CWF19L1: variants seen among roughly 807,000 people sequenced by gnomAD.
CWF19L1 encodes CWF19-like protein 1.
A neutral mutation model predicts 69.7 loss-of-function variants in CWF19L1; 60 were observed. That is an observed-to-expected ratio of 0.86 (90% CI 0.70 to 1.07). The LOEUF is 1.07. Ranked by LOEUF, CWF19L1 falls within the 50% of genes least tolerant of loss-of-function variation. The pLI is 0.00. For synonymous variants in CWF19L1, 209 were observed against 222.2 expected (o/e 0.94, Z 0.53); for missense variants, 591 against 638.9 (o/e 0.92, Z 0.81).
chr10:100,236,500 G>A (rs2134274002), intron 12 of CWF19L1, among the ~76,000 whole-genome samples: 1 of 152,296 alleles, frequency 6.6e-6, no homozygotes, highest in Non-Finnish European at 1.5e-5. Flanking sequence ...ATCTTGCCAG[G>A]CGTGGGTGGC....
At chr10:100,236,728 C>T (rs1846450876) in intron 12 of CWF19L1, 122 bp downstream of exon 12, 2 of 1,201,324 alleles carry the variant, frequency 1.7e-6, no homozygotes, top group Non-Finnish European at 2.3e-6. Flanking sequence ...CAAGATCATG[C>T]CACTGCACTC....
At chr10:100,237,494 C>T (rs1052489172) in intron 11 of CWF19L1, among the ~76,000 whole-genome samples, 1 of 152,194 alleles carries the variant, frequency 6.6e-6, no homozygotes, top group Non-Finnish European at 1.5e-5. Context: ...AAACAAGGAA[C>T]TTACTATCTA....
At position 100,238,105 on chromosome 10, in the gene CWF19L1, T is replaced by G; in HGVS notation, c.1171A>C (p.Thr391Pro). ...VVEEVEKYKA[T>P]LRRFFKSRGK... ...CGACTCTTAAAGAACCGTCTCAGAG[T>G]GGCCTTATACTTCTCCACCTCTTCT... Residue 391 changes from threonine to proline, a missense_variant, in exon 11 of 14, where the codon ACT becomes CCT. By Grantham distance (38) the Thr-to-Pro change is conservative. This residue lies in a region of CWF19L1 where 458 missense variants were observed against 489.3 expected (regional missense o/e 0.94). Coordinates refer to ENST00000354105, the MANE Select transcript of CWF19L1 (RefSeq NM_018294.6). 6.2e-7 allele frequency: 1 copy of G among 1,613,982 alleles called. No individual in the cohort carries two copies. The highest frequency in any genetic ancestry group is 8.5e-7 in the Non-Finnish European group (1 of 1,180,006).
At chr10:100,266,783 G>A (rs1002797890) in intron 1 of CWF19L1, among the ~76,000 whole-genome samples, 2 of 145,546 alleles carry the variant, frequency 1.4e-5, no homozygotes, top group Non-Finnish European at 3.0e-5. Context: ...GCCTCCCAAA[G>A]TGCTAGGATT....
chr10:100,237,092 C>A (rs552989427), intron 11 of CWF19L1, 123 bp from the exon 12 acceptor site: 1 of 1,212,184 alleles, frequency 8.2e-7, no homozygotes, highest in East Asian at 2.4e-5. Context: ...CACAGAATAT[C>A]CTCAGGCCAG....
At chr10:100,260,591 C>T (rs1482136741) in intron 3 of CWF19L1, among the ~76,000 whole-genome samples, 1 of 151,708 alleles carries the variant, frequency 6.6e-6, no homozygotes, top group African/African-American at 2.4e-5. Context: ...GGTGCAATCT[C>T]GGCTCACTGC....
rs1847419442 is a variant in CWF19L1 at position 100,262,040 on chromosome 10, C to G, written c.47G>C (p.Gly16Ala). The change falls in exon 2 of 14, where the codon GGA becomes GCA. Residue 16 changes from glycine (G) to alanine (A), a missense_variant. This residue lies in a region of CWF19L1 where 129 missense variants were observed against 131.3 expected (regional missense o/e 0.98). Transcript: ENST00000354105. ...TCTATTGAATAAAATATCAAACTTTCCTTCAACATCTCCACAAGCCAAGCT... is the reference window on the plus strand; with the variant it reads ...TCTATTGAATAAAATATCAAACTTTGCTTCAACATCTCCACAAGCCAAGCT... ...LRLLACGDVE[G>A]KFDILFNRVQ... is the part of the protein sequence containing the mutation. 6.2e-7 allele frequency: 1 copy of G among 1,610,682 alleles called. No individual in the cohort carries two copies. Among genetic ancestry groups the G allele is most frequent in the Non-Finnish European group, 8.5e-7 (1 of 1,179,210 alleles).
Position 100,262,059 on chromosome 10 carries a change from C to T in CWF19L1, c.28G>A (p.Ala10Thr). MAQKPLRLL[A>T]CGDVEGKFDI... Reference sequence around the variant, plus strand: ...AACTTTCCTTCAACATCTCCACAAGCCAAGCTGCAAACAAAGAGATAAACA... The same window carrying T: ...AACTTTCCTTCAACATCTCCACAAGTCAAGCTGCAAACAAAGAGATAAACA... The change falls in exon 2 of 14, where the codon GCT becomes ACT. Residue 10 changes from alanine to threonine, a missense_variant. Around this residue, in one of 3 missense-constraint regions of CWF19L1, gnomAD observed 129 missense variants for 131.3 expected, o/e 0.98. Coordinates refer to ENST00000354105, the MANE Select transcript of CWF19L1 (RefSeq NM_018294.6). The T allele has an allele frequency of 5.6e-6, 9 of 1,610,100 alleles. No individual in the cohort carries two copies. Among genetic ancestry groups the T allele is most frequent in the Non-Finnish European group, 7.6e-6 (9 of 1,178,994 alleles).
intron 7 of CWF19L1, chr10:100,248,883 A>T (rs370516091): frequency 1.8e-5 from 18 of 1,007,992 alleles, no homozygotes; most frequent in East Asian, 2.4e-5. Context: ...AGAAAAAGGC[A>T]GCCATCATCT....
At chr10:100,260,507 T>C (rs2134320983) in intron 3 of CWF19L1, among the ~76,000 whole-genome samples, 188 bp from the exon 4 acceptor site, 1 of 152,260 alleles carries the variant, frequency 6.6e-6, no homozygotes, top group Middle Eastern at 3.4e-3. Flanking sequence ...ACCTTGTAGC[T>C]TGGCTATTTT....
At position 100,260,098 on chromosome 10, in the gene CWF19L1, G is replaced by A. The variant is rs571103732; in HGVS notation, c.289+120C>T. On this transcript the variant is annotated intron_variant, in intron 4 of 13. Transcript: ENST00000354105. Reference sequence around the variant, plus strand: ...CAGGAGAATCACTTGAACCCGGGAGGTGGAGGTTACAGTGAGCCAAGATTG... The same window carrying A: ...CAGGAGAATCACTTGAACCCGGGAGATGGAGGTTACAGTGAGCCAAGATTG... 85 of 608,304 alleles carry A rather than the reference G, an allele frequency of 1.4e-4. 1 individual carries two copies. The East Asian group carries it at 2.4e-3, about 17-fold the overall frequency. The allele number at this position is 608,304 out of a possible 1,614,324, so 37.7% of individuals were successfully genotyped here.
intron 4 of CWF19L1, among the ~76,000 whole-genome samples, chr10:100,257,590 G>A (rs972290172): frequency 5.3e-5 from 8 of 151,644 alleles, no homozygotes; most frequent in Non-Finnish European, 5.9e-5. Context: ...GAGCCACCAC[G>A]CCCAGCCTAC....
Position 100,267,620 on chromosome 10 carries a change from G to A in CWF19L1, c.-27C>T. On this transcript the variant is annotated 5_prime_UTR_variant, in exon 1 of 14. Coordinates refer to ENST00000354105, the MANE Select transcript of CWF19L1 (RefSeq NM_018294.6). The stretch of plus-strand genomic sequence containing the variant: ...TGTCCGAATAGTATGGGTTGCGACT[G>A]CCACCTAAAATTGGGAATGCGAATC... 1.9e-6 allele frequency: 3 copies of A among 1,613,896 alleles called. No homozygotes were observed. The highest frequency in any genetic ancestry group is 1.3e-5 in the African/African-American group (1 of 74,882).
chr10:100,248,301 C>A, intron 7 of CWF19L1: 1 of 1,365,742 alleles, frequency 7.3e-7, no homozygotes, highest in Non-Finnish European at 1.0e-6. Flanking sequence ...CAAGTTTGGC[C>A]TGGCCTTAGC....
intron 6 of CWF19L1, among the ~76,000 whole-genome samples, chr10:100,250,947 C>CA (rs60592071): frequency 1.2e-3 from 130 of 112,520 alleles, no homozygotes; most frequent in African/African-American, 1.7e-3. Flanking sequence ...GATCTTGTCT[C>CA]AAAAAAAAAA....
intron 6 of CWF19L1, among the ~76,000 whole-genome samples, chr10:100,252,308 G>A (rs780626682): frequency 2.0e-4 from 31 of 152,116 alleles, no homozygotes; most frequent in Non-Finnish European, 3.4e-4. Context: ...GGTGGCGGTC[G>A]CCTGTAGTCC....
intron 10 of CWF19L1, among the ~76,000 whole-genome samples, chr10:100,238,932 C>CAA (rs397845145): frequency 9.5e-4 from 65 of 68,518 alleles, no homozygotes; most frequent in African/African-American, 3.1e-3. Context: ...ACTCCGTCTC[C>CAA]AAAAAAAAAA....
intron 13 of CWF19L1, among the ~76,000 whole-genome samples, chr10:100,234,724 T>C (rs7092983): frequency 0.075 from 11,422 of 152,282 alleles, 582 homozygotes; most frequent in African/African-American, 0.14. Flanking sequence ...TCAGATACTC[T>C]GTTCTACACA....
chr10:100,249,475 C>T (rs1266782456), intron 7 of CWF19L1, among the ~76,000 whole-genome samples: 1 of 137,882 alleles, frequency 7.3e-6, no homozygotes, highest in Admixed American at 6.8e-5. Context: ...CTGGTATATT[C>T]TTTTCATCAA....
Sources: gnomAD v4.1 joint callset for allele counts (sites outside exome capture counted in the v4.1 genomes callset) on GRCh38, gnomAD v4.1.1 for gene constraint, gnomAD v4.1.1 regional missense constraint, MANE v1.5 for transcripts, NCBI Gene and HGNC (gene_info 2026-07-23, HGNC 2026-07-21) for gene names.